PLIN3: variants seen among roughly 807,000 people sequenced by gnomAD.
PLIN3 encodes the protein perilipin-3.
In PLIN3, 30 loss-of-function variants were observed where a neutral mutation model predicts 35.9. The ratio of observed to expected loss-of-function variants is 0.84; its 90% CI spans 0.62 to 1.13. The LOEUF is 1.13. PLIN3 is among the 50% of genes most tolerant of loss of function. PLIN3 has a pLI of 0.00. For missense variants in PLIN3, 603 were observed against 596.9 expected, an observed-to-expected ratio of 1.01 and a Z score of -0.11; for synonymous variants, 261 against 262.5, an observed-to-expected ratio of 0.99 and a Z score of 0.06.
chr19:4,843,467 C>G (rs1404389493), intron 7 of PLIN3, among the ~76,000 whole-genome samples: 1 of 151,214 alleles, frequency 6.6e-6, no homozygotes, highest in Non-Finnish European at 1.5e-5. Context: ...GAGATTACAC[C>G]ACTGCACTCC....
At chr19:4,859,547 A>G (rs1401863617) in intron 4 of PLIN3, 43 bp downstream of exon 4, 2 of 1,528,150 alleles carry the variant, frequency 1.3e-6, no homozygotes. Context: ...ACACCCAGGT[A>G]GGTCCCTGTC....
chr19:4,839,354 G>C lies in PLIN3; in HGVS notation c.1143C>G (p.Asp381Glu), dbSNP rs762106269. The change falls in exon 8 of 8, where the codon GAC becomes GAG. Residue 381 changes from aspartate to glutamate, a missense_variant. Coordinates refer to ENST00000221957, the MANE Select transcript of PLIN3 (RefSeq NM_005817.5). Reference sequence around the variant, plus strand: ...TCTGGGCCAGAATGCTGCTGGACAGGTCCTGGAAGGAGTGGATGCTGGAAA... The same window carrying C: ...TCTGGGCCAGAATGCTGCTGGACAGCTCCTGGAAGGAGTGGATGCTGGAAA... ...ATFSSIHSFQDLSSSILAQSR... is the reference protein window; with the variant it reads ...ATFSSIHSFQELSSSILAQSR... 2 of 1,613,864 alleles carry C rather than the reference G, an allele frequency of 1.2e-6. No individual in the cohort carries two copies. Among genetic ancestry groups the C allele is most frequent in the East Asian group, 4.5e-5 (2 of 44,868 alleles).
Position 4,859,979 on chromosome 19 carries a change from T to A in PLIN3, c.112A>T (p.Thr38Ser). The A allele has an allele frequency of 6.2e-7, 1 of 1,614,024 alleles. No homozygotes were observed. Among genetic ancestry groups the A allele is most frequent in the South Asian group, 1.1e-5 (1 of 91,080 alleles). Residue 38 changes from threonine (T) to serine (S), a missense_variant, in exon 3 of 8, where the codon ACC becomes TCC. Physicochemically the swap from Thr to Ser is moderately conservative, Grantham distance 58. Transcript: ENST00000221957. ...TAGGCTGCGGACACCATGTCGCAGGTGGAGCTGATCAGAGGCATGCTGGCC... is the reference window on the plus strand; with the variant it reads ...TAGGCTGCGGACACCATGTCGCAGGAGGAGCTGATCAGAGGCATGCTGGCC... ...RVASMPLISS[T>S]CDMVSAAYAS...
chr19:4,839,308 C>A lies in PLIN3; in HGVS notation c.1189G>T (p.Ala397Ser). 6.2e-7 allele frequency: 1 copy of A among 1,614,016 alleles called. No individual in the cohort carries two copies. The highest frequency in any genetic ancestry group is 8.5e-7 in the Non-Finnish European group (1 of 1,180,002). Residue 397 changes from alanine to serine, a missense_variant, in exon 8 of 8, where the codon GCC (alanine) becomes TCC (serine). Coordinates refer to ENST00000221957, the MANE Select transcript of PLIN3 (RefSeq NM_005817.5). ...ACCATGTGGTCCAGGGCCTCGCGGGCGCTGGCGACACGCTCACGGCTCTGG... is the reference window on the plus strand; with the variant it reads ...ACCATGTGGTCCAGGGCCTCGCGGGAGCTGGCGACACGCTCACGGCTCTGG... ...LAQSRERVASAREALDHMVEY... is the reference protein window; with the variant it reads ...LAQSRERVASSREALDHMVEY...
intron 7 of PLIN3, among the ~76,000 whole-genome samples, chr19:4,842,628 C>T (rs111693413): frequency 0.12 from 16,718 of 135,476 alleles, 1,426 homozygotes; most frequent in East Asian, 0.35. Flanking sequence ...AAAAAAGGCA[C>T]ACACTGGGAG....
chr19:4,865,729 TG>T (rs2030825423), intron 1 of PLIN3, among the ~76,000 whole-genome samples: 1 of 127,360 alleles, frequency 7.9e-6, no homozygotes, highest in Non-Finnish European at 1.8e-5. Context: ...TTTTTTTTTT[TG>T]TTTTTTTTTT....
intron 7 of PLIN3, among the ~76,000 whole-genome samples, chr19:4,843,083 G>A (rs886465465): frequency 5.9e-5 from 9 of 151,934 alleles, no homozygotes; most frequent in South Asian, 2.1e-4. Context: ...TTAGCCGGGC[G>A]TGGTGACGCA....
chr19:4,852,149 G>C lies in PLIN3; in HGVS notation c.501C>G (p.Ser167=). 1 of 1,614,048 alleles carries C rather than the reference G, an allele frequency of 6.2e-7. No homozygotes were observed. The highest frequency in any genetic ancestry group is 8.5e-7 in the Non-Finnish European group (1 of 1,180,004). The change falls in exon 5 of 8, where the codon TCC becomes TCG. Residue 167 remains serine (S), a synonymous_variant. Transcript: ENST00000221957. The part of the protein sequence containing the change: ...AVQSGVDKTK[S]VVTGGVQSVM... ...CCGATTGGACGCCGCCGGTCACTAC[G>C]GACTTTGTCTTGTCCACGCCGCTCT...
At chr19:4,862,940 C>CCT (rs1215624998) in intron 1 of PLIN3, among the ~76,000 whole-genome samples, 13 of 149,084 alleles carry the variant, frequency 8.7e-5, no homozygotes, top group East Asian at 6.1e-4. Context: ...GGGTGGAACA[C>CCT]GAGGTCAGGA....
chr19:4,852,043 G>A lies in PLIN3; in HGVS notation c.607C>T (p.His203Tyr). 1.9e-6 allele frequency: 3 copies of A among 1,613,848 alleles called. No individual in the cohort carries two copies. The highest frequency in any genetic ancestry group is 2.5e-6 in the Non-Finnish European group (3 of 1,179,934). The change falls in exon 5 of 8, where the codon CAC becomes TAC. Residue 203 changes from histidine (H) to tyrosine (Y), a missense_variant. By Grantham distance (83) the His-to-Tyr change is moderately conservative. Transcript: ENST00000221957. ...AGTTCGGCATCCGTAAGGGGCAGGTGGTTGTCCGCCCACTCCTCCGACTTC... is the reference window on the plus strand; with the variant it reads ...AGTTCGGCATCCGTAAGGGGCAGGTAGTTGTCCGCCCACTCCTCCGACTTC... ...LGKSEEWADN[H>Y]LPLTDAELAR...
Position 4,847,731 on chromosome 19 carries a change from G to A in PLIN3, c.794C>T (p.Ala265Val), listed in dbSNP as rs186843839. The A allele has an allele frequency of 9.3e-6, 15 of 1,610,948 alleles. No individual in the cohort carries two copies. The Admixed American group carries it at 2.5e-4, about 27-fold the overall frequency. Residue 265 changes from alanine (A) to valine (V), a missense_variant, in exon 6 of 8, where the codon GCA becomes GTA. Physicochemically the swap from Ala to Val is moderately conservative, Grantham distance 64. Transcript: ENST00000221957. ...CGACAGCTGCAGCAGAGCCTCCTGT[G>A]CCCTCTGCTTGGTGGCTCGAAGCTT... Reference protein sequence around the residue: ...LGKLRATKQRAQEALLQLSQV... With the variant: ...LGKLRATKQRVQEALLQLSQV...
chr19:4,843,446 G>A (rs944843268), intron 7 of PLIN3, among the ~76,000 whole-genome samples: 4 of 150,080 alleles, frequency 2.7e-5, no homozygotes, highest in African/African-American at 9.8e-5. Context: ...AGGCAGAGCT[G>A]GTAGTGAGCT....
intron 7 of PLIN3, among the ~76,000 whole-genome samples, chr19:4,842,853 A>C (rs562052355): frequency 4.5e-4 from 69 of 152,184 alleles, no homozygotes; most frequent in African/African-American, 1.6e-3. Flanking sequence ...AGAGATATTC[A>C]CCATATCTTT....
At chr19:4,860,128 A>C in intron 2 of PLIN3, 104 bp from the exon 3 acceptor site, 1 of 955,998 alleles carries the variant, frequency 1.0e-6, no homozygotes, top group Non-Finnish European at 1.6e-6. Context: ...TGGCCAGTGA[A>C]ACGGCTCAGT....
intron 5 of PLIN3, among the ~76,000 whole-genome samples, chr19:4,849,227 A>G (rs1426788420): frequency 6.6e-6 from 1 of 151,286 alleles, no homozygotes; most frequent in Non-Finnish European, 1.5e-5. Flanking sequence ...CTCGCCTCAG[A>G]CTCCCAAAGT....
intron 4 of PLIN3, among the ~76,000 whole-genome samples, chr19:4,856,205 C>T (rs144490209): frequency 6.2e-4 from 94 of 152,170 alleles, no homozygotes; most frequent in African/African-American, 2.2e-3. Context: ...AGGTGGTACC[C>T]GAGGGTGGCC....
chr19:4,861,192 C>A (rs1279530157), intron 2 of PLIN3, 137 bp downstream of exon 2: 2 of 743,276 alleles, frequency 2.7e-6, no homozygotes, highest in African/African-American at 3.4e-5. Flanking sequence ...GTCCATACCC[C>A]ACTGAGGAAT....
intron 1 of PLIN3, among the ~76,000 whole-genome samples, 154 bp downstream of exon 1, chr19:4,867,455 G>C (rs971396106): frequency 6.6e-5 from 10 of 152,074 alleles, no homozygotes; most frequent in Non-Finnish European, 1.5e-4. Context: ...GGGGGGAGGG[G>C]TGACCAGCCT....
In PLIN3 at chr19:4,839,461, A is replaced by AC. The variant is rs1469742289; in HGVS notation, c.1035dup (p.Ser346ValfsTer47). 6.3e-7 allele frequency: 1 copy of AC among 1,576,738 alleles called. No homozygotes were observed. The highest frequency in any genetic ancestry group is 8.7e-7 in the Non-Finnish European group (1 of 1,156,012). On this transcript the variant is annotated frameshift_variant, in exon 8 of 8. Coordinates refer to ENST00000221957, the MANE Select transcript of PLIN3 (RefSeq NM_005817.5). LOFTEE classifies it low-confidence loss of function (END_TRUNC). Reference sequence around the variant, plus strand: ...TTGGTGGGGAGGCCCTGAATGCTGGACCCCAGGGAGGTACAGGTGGCCTGC... The same window carrying AC: ...TTGGTGGGGAGGCCCTGAATGCTGGACCCCCAGGGAGGTACAGGTGGCCTGC...
Sources: allele counts gnomAD v4.1 joint callset (sites outside exome capture counted in the v4.1 genomes callset), GRCh38; gene constraint gnomAD v4.1.1; transcripts MANE v1.5; gene names NCBI Gene and HGNC (gene_info 2026-07-23, HGNC 2026-07-21).